ARHGAP22: variants seen among roughly 807,000 people sequenced by gnomAD.
The protein encoded by ARHGAP22 is rho GTPase-activating protein 22.
ARHGAP22 carries 48 observed loss-of-function variants against 59.1 expected under a neutral mutation model. The observed-to-expected ratio is 0.81, with a 90% confidence interval of 0.64 to 1.03. The LOEUF (loss-of-function observed/expected upper bound fraction) is 1.03. Ranked by LOEUF, ARHGAP22 falls within the 50% of genes least tolerant of loss-of-function variation. The pLI is 0.00. For missense variants in ARHGAP22, 1,015 were observed against 958.7 expected (o/e 1.06, Z -0.78); for synonymous variants, 445 against 416.4 (o/e 1.07, Z -0.84).
chr10:48,442,621 C>T (rs2045229577), downstream of ARHGAP22, among the ~76,000 whole-genome samples: 1 of 152,140 alleles, frequency 6.6e-6, no homozygotes, highest in Admixed American at 6.5e-5. Flanking sequence ...CCCATGGCCA[C>T]TGCCACAGCC....
At chr10:48,577,984 T>C (rs750007799) in intron 2 of ARHGAP22, among the ~76,000 whole-genome samples, 21 of 151,832 alleles carry the variant, frequency 1.4e-4, no homozygotes, top group Admixed American at 3.3e-4. Flanking sequence ...AATTTTTGTA[T>C]TTTTAGTAGA....
rs561157285 is a variant in ARHGAP22, at chr10:48,599,640, T to C, written c.34+5123A>G. 9.8e-5 allele frequency among the ~76,000 whole-genome samples: 15 copies of C among 152,366 alleles called. 1 individual carries two copies. The South Asian group carries it at 1.2e-3, about 13-fold the overall frequency. On this transcript the variant is annotated intron_variant, in intron 1 of 9. Coordinates refer to ENST00000249601, the MANE Select transcript of ARHGAP22 (RefSeq NM_021226.4). The stretch of plus-strand genomic sequence containing the variant: ...CATCTGAGCCCACCACACACCTTTG[T>C]ATCCATGGCCAACACCTGGCACCAC...
At chr10:48,513,816 G>C (rs914159644) in intron 3 of ARHGAP22, among the ~76,000 whole-genome samples, 8 of 152,050 alleles carry the variant, frequency 5.3e-5, no homozygotes, top group Non-Finnish European at 1.2e-4. Flanking sequence ...CCTTGACCTA[G>C]ATGTTATACT....
At chr10:48,461,305 G>A (rs1434305460) in intron 4 of ARHGAP22, among the ~76,000 whole-genome samples, 2 of 152,202 alleles carry the variant, frequency 1.3e-5, no homozygotes, top group African/African-American at 4.8e-5. Flanking sequence ...CCCTTGGTGG[G>A]TCAGTGACTG....
At chr10:48,454,925 C>T in intron 6 of ARHGAP22, 77 bp downstream of exon 6, 3 of 1,417,248 alleles carry the variant, frequency 2.1e-6, no homozygotes, top group Non-Finnish European at 2.8e-6. Flanking sequence ...CATGAAAAGT[C>T]AGAGTCTGTG....
chr10:48,655,928 C>G (rs1472367443), upstream of ARHGAP22: 2 of 152,424 alleles, frequency 1.3e-5, no homozygotes, highest in African/African-American at 4.8e-5. Flanking sequence ...GTCCCTCGGG[C>G]GTGGCAGTGG....
chr10:48,638,795 T>C lies in ARHGAP22; in HGVS notation c.52+13439A>G, dbSNP rs536249855. 2.0e-5 allele frequency among the ~76,000 whole-genome samples: 3 copies of C among 152,256 alleles called. No homozygotes were observed. The East Asian group carries it at 5.8e-4, about 29-fold the overall frequency. On this transcript the variant is annotated intron_variant, in intron 1 of 9. Transcript: ENST00000435790. ...TGGTGCTTAATGAACAAAGGGATAA[T>C]GGCAATAATGCCTGCAAGATCGTGC...
intron 2 of ARHGAP22, among the ~76,000 whole-genome samples, chr10:48,572,716 T>C (rs2058475023): frequency 6.6e-6 from 1 of 152,142 alleles, no homozygotes; most frequent in Admixed American, 6.5e-5. Context: ...CCTTTCCGGG[T>C]CTACCAGAGG....
Position 48,455,141 on chromosome 10 carries a change from G to A in ARHGAP22, c.660-7C>T, listed in dbSNP as rs72796308. On this transcript the variant is annotated splice_region_variant and splice_polypyrimidine_tract_variant and intron_variant, in intron 5 of 9. Coordinates refer to ENST00000249601, the MANE Select transcript of ARHGAP22 (RefSeq NM_021226.4). ...CGTGTGCACGTCTGTTGTGCTGTGG[G>A]GGGGAAGAGGACAGGTGTGTGAGGC... 171,944 of 1,602,532 alleles carry A rather than the reference G, an allele frequency of 0.11. 9,569 individuals carry two copies. Among genetic ancestry groups the A allele is most frequent in the African/African-American group, 0.11 (8,515 of 74,918 alleles).
At chr10:48,433,993 A>T in the ARHGAP22 span, among the ~76,000 whole-genome samples, 1 of 152,210 alleles carries the variant, frequency 6.6e-6, no homozygotes, top group South Asian at 2.1e-4. Flanking sequence ...GTTCAGAAGT[A>T]CTTAGCCTAG....
chr10:48,480,157 T>A (rs1187696973), intron 3 of ARHGAP22, among the ~76,000 whole-genome samples: 1 of 152,212 alleles, frequency 6.6e-6, no homozygotes. Context: ...AACGTCACTA[T>A]GTGCTTTTAA....
Position 48,624,633 on chromosome 10 carries a change from G to A in ARHGAP22, c.52+27601C>T, listed in dbSNP as rs918189231. ...TCTGTTTTCTCTTTTGGAAATTGCAGGCATTGGATTAGATAACTTCCATGT... is the reference window on the plus strand; with the variant it reads ...TCTGTTTTCTCTTTTGGAAATTGCAAGCATTGGATTAGATAACTTCCATGT... On this transcript the variant is annotated intron_variant, in intron 1 of 9. Transcript: ENST00000435790. 2.0e-5 allele frequency among the ~76,000 whole-genome samples: 3 copies of A among 152,158 alleles called. No homozygotes were observed. In the East Asian group the frequency reaches 5.8e-4, roughly 29 times the overall value.
At chr10:48,466,153 C>T (rs1288959031) in intron 4 of ARHGAP22, among the ~76,000 whole-genome samples, 1 of 152,106 alleles carries the variant, frequency 6.6e-6, no homozygotes, top group Non-Finnish European at 1.5e-5. Flanking sequence ...CTGGGGCCGC[C>T]GGTCCCACAC....
At chr10:48,547,101 G>A (rs1195077869) in intron 3 of ARHGAP22, among the ~76,000 whole-genome samples, 9 of 152,208 alleles carry the variant, frequency 5.9e-5, no homozygotes. Context: ...TGAGGCCCTT[G>A]ATGTCTGTTG....
intron 3 of ARHGAP22, among the ~76,000 whole-genome samples, chr10:48,502,564 C>A (rs757109722): frequency 1.3e-5 from 2 of 152,172 alleles, no homozygotes; most frequent in African/African-American, 2.4e-5. Context: ...AGGTGCCCTG[C>A]CCTCTTGCTT....
chr10:48,493,550 G>A (rs954787488), intron 3 of ARHGAP22: 12 of 1,522,406 alleles, frequency 7.9e-6, no homozygotes, highest in Non-Finnish European at 9.7e-6. Context: ...CTGTTGGGGT[G>A]CAGAAAACCA....
chr10:48,484,199 G>A (rs766168920), intron 3 of ARHGAP22, among the ~76,000 whole-genome samples: 4 of 152,170 alleles, frequency 2.6e-5, no homozygotes, highest in Non-Finnish European at 4.4e-5. Context: ...GCTGAGCCAC[G>A]TTTTTATTGG....
chr10:48,598,657 AT>A (rs1284959802), intron 1 of ARHGAP22, among the ~76,000 whole-genome samples: 2 of 152,188 alleles, frequency 1.3e-5, no homozygotes, highest in Non-Finnish European at 2.9e-5. Context: ...TGCAGCCTGC[AT>A]CATTGACTAA....
intron 2 of ARHGAP22, among the ~76,000 whole-genome samples, chr10:48,562,901 A>G (rs977651723): frequency 3.9e-5 from 6 of 152,226 alleles, no homozygotes; most frequent in African/African-American, 1.4e-4. Flanking sequence ...GTAGCGGCTC[A>G]AAACAACAAA....
Sources: allele counts gnomAD v4.1 joint callset (sites outside exome capture counted in the v4.1 genomes callset), GRCh38; gene constraint gnomAD v4.1.1; transcripts MANE v1.5; gene names NCBI Gene and HGNC (gene_info 2026-07-23, HGNC 2026-07-21).